Variants in C2CD3 observed in about 807,000 individuals in gnomAD.
The protein encoded by C2CD3 is C2 domain-containing protein 3.
In C2CD3, 148 loss-of-function variants were observed where a neutral mutation model predicts 234.0. That is an observed-to-expected ratio of 0.63 (90% CI 0.55 to 0.72). C2CD3 has a LOEUF of 0.72. Among genes scored for constraint, C2CD3 ranks in the 30% least tolerant of loss-of-function variants. The probability of loss-of-function intolerance (pLI) is 0.00; values close to 1 mark genes in which losing one functional copy is unlikely to be tolerated. For synonymous variants in C2CD3, 1,000 were observed against 1,035.4 expected, an observed-to-expected ratio of 0.97 and a Z score of 0.66; for missense variants, 2,577 against 2,811.5, an observed-to-expected ratio of 0.92 and a Z score of 1.89.
intron 24 of C2CD3, among the ~76,000 whole-genome samples, chr11:74,068,808 T>C (rs1954661913): frequency 6.6e-6 from 1 of 152,162 alleles, no homozygotes; most frequent in East Asian, 1.9e-4. Flanking sequence ...TTTATTTATT[T>C]ATTTATTTTT....
chr11:74,166,472 C>T (rs1317671562), intron 2 of C2CD3, among the ~76,000 whole-genome samples: 1 of 152,116 alleles, frequency 6.6e-6, no homozygotes, highest in Non-Finnish European at 1.5e-5. Context: ...GATGTTTTAA[C>T]TCTTTCAATT....
intron 7 of C2CD3, chr11:74,129,209 G>C (rs930201908): frequency 3.5e-5 from 6 of 173,424 alleles, no homozygotes; most frequent in African/African-American, 1.4e-4. Flanking sequence ...CGGGGTGGCT[G>C]CCGGGCGGAG....
intron 3 of C2CD3, among the ~76,000 whole-genome samples, chr11:74,143,420 A>G (rs974410978): frequency 4.6e-5 from 7 of 151,592 alleles, no homozygotes; most frequent in African/African-American, 7.3e-5. Context: ...TGGTGTGATC[A>G]TAACTCACTG....
In C2CD3 at chr11:74,139,769, G is replaced by T. The variant is rs953854821; in HGVS notation, c.543C>A (p.Thr181=). Residue 181 remains threonine (T), a synonymous_variant, in exon 4 of 33, where the codon ACC becomes ACA. Transcript: ENST00000334126. The part of the protein sequence containing the change: ...ETYDSYHPLP[T]TDMTENVLLS... ...AAAGCACATTTTCTGTCATGTCAGT[G>T]GTAGGAAGTGGATGGTAGCTGTCGT... 3 of 1,613,540 alleles carry T rather than the reference G, an allele frequency of 1.9e-6. No homozygotes were observed. The highest frequency in any genetic ancestry group is 2.7e-5 in the African/African-American group (2 of 74,880).
intron 3 of C2CD3, among the ~76,000 whole-genome samples, chr11:74,150,440 A>C (rs938880328): frequency 6.9e-6 from 1 of 144,378 alleles, no homozygotes; most frequent in Non-Finnish European, 1.5e-5. Flanking sequence ...GTGAGCTTAG[A>C]TCACACCACC....
chr11:74,108,720 A>C (rs1442674522), intron 12 of C2CD3, among the ~76,000 whole-genome samples: 1 of 152,148 alleles, frequency 6.6e-6, no homozygotes, highest in East Asian at 1.9e-4. Flanking sequence ...GAGTGATCTT[A>C]GACATGTTAA....
chr11:74,088,077 A>T (rs1036886716), intron 20 of C2CD3, among the ~76,000 whole-genome samples: 1 of 152,194 alleles, frequency 6.6e-6, no homozygotes, highest in Admixed American at 6.6e-5. Context: ...TAAGTTTAGA[A>T]CATCAAGAAT....
intron 24 of C2CD3, among the ~76,000 whole-genome samples, chr11:74,067,560 A>G (rs1228188066): frequency 6.6e-6 from 1 of 152,172 alleles, no homozygotes; most frequent in Non-Finnish European, 1.5e-5. Context: ...AGAACAGGGA[A>G]AGGTAATTCT....
At chr11:74,041,257 TA>T (rs1345671534) in intron 29 of C2CD3, among the ~76,000 whole-genome samples, 3 of 152,204 alleles carry the variant, frequency 2.0e-5, no homozygotes, top group African/African-American at 7.2e-5. Flanking sequence ...ATGTGACTCT[TA>T]AAAAATTCAC....
intron 24 of C2CD3, among the ~76,000 whole-genome samples, chr11:74,065,281 G>C (rs1423899430): frequency 1.3e-5 from 2 of 152,114 alleles, no homozygotes; most frequent in African/African-American, 2.4e-5. Context: ...CTCAAAAGAA[G>C]ACATTTATGC....
At chr11:74,064,492 C>T (rs956925676) in intron 24 of C2CD3, among the ~76,000 whole-genome samples, 1 of 152,168 alleles carries the variant, frequency 6.6e-6, no homozygotes, top group African/African-American at 2.4e-5. Flanking sequence ...AATGGCCATA[C>T]TGCCCAAGGT....
chr11:74,170,881 T>C lies in C2CD3; in HGVS notation c.-89A>G. ...GCCATCCCTCCCCACGGCGCCTGCG[T>C]TCCCCGGCAACCGGCGCCGCTGGGC... is the stretch of plus-strand genomic sequence containing the variant. On this transcript the variant is annotated 5_prime_UTR_variant, in exon 1 of 33. Coordinates refer to ENST00000334126, the MANE Select transcript of C2CD3 (RefSeq NM_001286577.2). 1.9e-6 allele frequency: 3 copies of C among 1,592,718 alleles called. No homozygotes were observed. The highest frequency in any genetic ancestry group is 2.6e-6 in the Non-Finnish European group (3 of 1,169,892).
intron 23 of C2CD3, 50 bp downstream of exon 23, chr11:74,078,065 C>A: frequency 6.4e-7 from 1 of 1,567,400 alleles, no homozygotes; most frequent in South Asian, 1.2e-5. Context: ...TAGTGTTTGA[C>A]ACAGAGCAGG....
chr11:74,153,130 A>G lies in C2CD3; in HGVS notation c.483+8269T>C, dbSNP rs1855776684. ...TTACTCAGAAGGCTGAGGCAGGAGG[A>G]CTGCTTGAGTCCAGAAGTTTGAAAT... On this transcript the variant is annotated intron_variant, in intron 3 of 32. Coordinates refer to ENST00000334126, the MANE Select transcript of C2CD3 (RefSeq NM_001286577.2). 2.0e-5 allele frequency among the ~76,000 whole-genome samples: 3 copies of G among 152,154 alleles called. No homozygotes were observed. In the South Asian group the frequency reaches 6.2e-4, roughly 32 times the overall value.
chr11:74,106,237 C>T, intron 13 of C2CD3, 134 bp downstream of exon 13: 1 of 773,408 alleles, frequency 1.3e-6, no homozygotes, highest in Non-Finnish European at 2.1e-6. Flanking sequence ...CATAGTACTT[C>T]CACTGCTCTA....
chr11:74,037,334 G>A lies in C2CD3; in HGVS notation c.5881+144C>T, dbSNP rs1952792547. On this transcript the variant is annotated intron_variant, in intron 30 of 32. Coordinates refer to ENST00000334126, the MANE Select transcript of C2CD3 (RefSeq NM_001286577.2). ...GTCCCTCCTTTTCAAACGCAAGATG[G>A]TTAAAAAAAAAAAAAAAGGAAGAGG... is the stretch of plus-strand genomic sequence containing the variant. 7 of 693,386 alleles carry A rather than the reference G, an allele frequency of 1.0e-5. 1 individual carries two copies. The South Asian group carries it at 1.2e-4, about 12-fold the overall frequency. The allele number at this position is 693,386 out of a possible 1,614,324, so 43.0% of individuals were successfully genotyped here.
chr11:74,041,866 T>C lies in C2CD3; in HGVS notation c.5660+188A>G, dbSNP rs144803670. 3.8e-3 allele frequency among the ~76,000 whole-genome samples: 586 copies of C among 152,294 alleles called. 16 individuals carry two copies. Among genetic ancestry groups the C allele is most frequent in the Admixed American group, 0.029 (439 of 15,294 alleles). On this transcript the variant is annotated intron_variant, in intron 29 of 32. Transcript: ENST00000334126. ...GAAGGAATGGAAGGTCCCAAGCTGA[T>C]ACAGATTCATCTATGAGGAATCCCA...
intron 2 of C2CD3, among the ~76,000 whole-genome samples, chr11:74,163,657 G>T (rs1430305504): frequency 6.7e-6 from 1 of 149,708 alleles, no homozygotes; most frequent in East Asian, 1.9e-4. Flanking sequence ...TGCCATGATT[G>T]TAAGTTTCCT....
intron 15 of C2CD3, among the ~76,000 whole-genome samples, chr11:74,100,131 T>C (rs549470556): frequency 6.6e-6 from 1 of 152,282 alleles, no homozygotes; most frequent in African/African-American, 2.4e-5. Flanking sequence ...CTTTTGACAA[T>C]AGAGTTTTTT....
Sources: allele counts gnomAD v4.1 joint callset (sites outside exome capture counted in the v4.1 genomes callset), GRCh38; gene constraint gnomAD v4.1.1; transcripts MANE v1.5; gene names NCBI Gene and HGNC (gene_info 2026-07-23, HGNC 2026-07-21).